SEPSECS: variants seen among roughly 807,000 people sequenced by gnomAD.
The protein encoded by SEPSECS is O-phosphoseryl-tRNA(Sec) selenium transferase.
Under a neutral mutation model 52.1 loss-of-function variants are expected in SEPSECS, and 42 were observed. The observed-to-expected ratio is 0.81, with a 90% CI of 0.63 to 1.04. The LOEUF is 1.04. Ranked by LOEUF, SEPSECS falls within the 50% of genes least tolerant of loss-of-function variation. SEPSECS has a pLI of 0.00. For synonymous variants in SEPSECS, 216 were observed against 211.4 expected, an observed-to-expected ratio of 1.02 and a Z score of -0.19; for missense variants, 590 against 610.6, an observed-to-expected ratio of 0.97 and a Z score of 0.36.
chr4:25,158,291 T>C (rs1712810590), intron 2 of SEPSECS, among the ~76,000 whole-genome samples: 1 of 152,232 alleles, frequency 6.6e-6, no homozygotes, highest in South Asian at 2.1e-4. Context: ...AAATTTTCAT[T>C]ATAATGTAAA....
intron 8 of SEPSECS, among the ~76,000 whole-genome samples, chr4:25,133,391 A>G (rs545080840): frequency 7.2e-5 from 11 of 152,314 alleles, no homozygotes; most frequent in African/African-American, 2.4e-4. Flanking sequence ...ACCCAGTGAT[A>G]ATAAAGAACA....
intron 8 of SEPSECS, among the ~76,000 whole-genome samples, chr4:25,129,482 G>A (rs2109490316): frequency 6.6e-6 from 1 of 151,578 alleles, no homozygotes; most frequent in East Asian, 2.0e-4. Flanking sequence ...AATTAGCCAG[G>A]CATGGTGGTG....
At chr4:25,126,320 A>G (rs1249227512) in intron 9 of SEPSECS, among the ~76,000 whole-genome samples, 2 of 152,118 alleles carry the variant, frequency 1.3e-5, no homozygotes, top group Non-Finnish European at 2.9e-5. Context: ...AGGGAAAAGG[A>G]GGTCAGAGGC....
In SEPSECS at chr4:25,152,049, C is replaced by G; in HGVS notation, c.715G>C (p.Ala239Pro). ...PRVPDRLEEL[A>P]VICANYDIPH... ...ATGTCATAATTAGCACAAATCACAGCCAGTTCTTCTAATCTATAAACATAA... is the reference window on the plus strand; with the variant it reads ...ATGTCATAATTAGCACAAATCACAGGCAGTTCTTCTAATCTATAAACATAA... The change falls in exon 6 of 11, where the codon GCT (alanine) becomes CCT (proline). Residue 239 changes from alanine (A) to proline (P), a missense_variant. Ala to Pro is a conservative substitution (Grantham distance 27, BLOSUM62 -1). Coordinates refer to ENST00000382103, the MANE Select transcript of SEPSECS (RefSeq NM_016955.4). 1 of 1,556,408 alleles carries G rather than the reference C, an allele frequency of 6.4e-7. No individual in the cohort carries two copies.
At chr4:25,133,305 A>AC (rs1728688100) in intron 8 of SEPSECS, among the ~76,000 whole-genome samples, 2 of 152,354 alleles carry the variant, frequency 1.3e-5, no homozygotes, top group East Asian at 3.9e-4. Flanking sequence ...AAAGAGAGTT[A>AC]CCTCCTGACA....
Position 25,156,206 on chromosome 4 carries a change from G to C in SEPSECS, c.389-11C>G, listed in dbSNP as rs747291000. 5 of 1,613,024 alleles carry C rather than the reference G, an allele frequency of 3.1e-6. No individual in the cohort carries two copies. In the Admixed American group the frequency reaches 5.0e-5, roughly 16 times the overall value. On this transcript the variant is annotated splice_polypyrimidine_tract_variant and intron_variant, in intron 3 of 10. Transcript: ENST00000382103. ...CTACTGTATGGACACCTACAAATAA[G>C]AAGCAAAACAGAAATCTGTTATCCC...
At chr4:25,151,054 T>C (rs768739080) in intron 6 of SEPSECS, among the ~76,000 whole-genome samples, 2 of 152,178 alleles carry the variant, frequency 1.3e-5, no homozygotes, top group Non-Finnish European at 2.9e-5. Context: ...TTGACATGTA[T>C]GTCAAAACTG....
intron 10 of SEPSECS, 86 bp downstream of exon 10, chr4:25,125,608 T>C: frequency 1.2e-6 from 1 of 820,186 alleles, no homozygotes; most frequent in East Asian, 2.6e-5. Flanking sequence ...AGGATATACT[T>C]GGGGGACTAT....
intron 8 of SEPSECS, among the ~76,000 whole-genome samples, chr4:25,140,854 T>C (rs1299292409): frequency 6.6e-6 from 1 of 152,004 alleles, no homozygotes; most frequent in Non-Finnish European, 1.5e-5. Context: ...TAATACACAG[T>C]TGGTCCTCCA....
chr4:25,143,659 T>C (rs886678854), intron 8 of SEPSECS, among the ~76,000 whole-genome samples: 1 of 152,142 alleles, frequency 6.6e-6, no homozygotes, highest in African/African-American at 2.4e-5. Flanking sequence ...TACTATCCCA[T>C]GGAATGAATT....
rs1205037339 is a variant in SEPSECS, at chr4:25,156,961, T to C, written c.283A>G (p.Ile95Val). ...GCAGAAATATCACCGGATCGTCCAA[T>C]GCCATGAATGAACCTAAGCAAAAAA... ...ARRHYRFIHG[I>V]GRSGDISAVQ... Residue 95 changes from isoleucine (I) to valine (V), a missense_variant, in exon 3 of 11, where the codon ATT becomes GTT. Transcript: ENST00000382103. 2.5e-6 allele frequency: 4 copies of C among 1,607,894 alleles called. No individual in the cohort carries two copies. The South Asian group carries it at 4.4e-5, about 18-fold the overall frequency.
In SEPSECS at chr4:25,154,988, A is replaced by G; in HGVS notation, c.701+10T>C. On this transcript the variant is annotated intron_variant, in intron 5 of 10. Coordinates refer to ENST00000382103, the MANE Select transcript of SEPSECS (RefSeq NM_016955.4). ...AAACAGCTAAAGGACAATATTCACA[A>G]ATCATTTACCTATCAGGCACCCTTG... 1 of 1,613,600 alleles carries G rather than the reference A, an allele frequency of 6.2e-7. No individual in the cohort carries two copies. Among genetic ancestry groups the G allele is most frequent in the South Asian group, 1.1e-5 (1 of 91,070 alleles).
intron 1 of SEPSECS, chr4:25,159,802 G>T: frequency 9.1e-7 from 1 of 1,095,930 alleles, no homozygotes; most frequent in Non-Finnish European, 1.1e-6. Context: ...AACTTTTAAT[G>T]AAATTAAAAT....
At chr4:25,146,260 G>A (rs559695493) in intron 6 of SEPSECS, among the ~76,000 whole-genome samples, 5 of 152,188 alleles carry the variant, frequency 3.3e-5, no homozygotes, top group Non-Finnish European at 5.9e-5. Flanking sequence ...AACAGAAGGA[G>A]CAGATAGCTG....
chr4:25,135,309 G>T (rs1309006097), intron 8 of SEPSECS, among the ~76,000 whole-genome samples: 1 of 148,846 alleles, frequency 6.7e-6, no homozygotes, highest in East Asian at 2.0e-4. Flanking sequence ...ATAAAAAATA[G>T]GTAGATTGTT....
At chr4:25,142,137 C>T (rs1711593310) in intron 8 of SEPSECS, among the ~76,000 whole-genome samples, 2 of 152,142 alleles carry the variant, frequency 1.3e-5, no homozygotes, top group South Asian at 2.1e-4. Flanking sequence ...AATAGCCAGG[C>T]ATGGTGATGT....
At chr4:25,146,028 C>G (rs1711942342) in intron 6 of SEPSECS, among the ~76,000 whole-genome samples, 1 of 152,122 alleles carries the variant, frequency 6.6e-6, no homozygotes, top group Non-Finnish European at 1.5e-5. Context: ...TGAATACTTA[C>G]CTACTAGAAA....
intron 5 of SEPSECS, among the ~76,000 whole-genome samples, chr4:25,153,912 G>A (rs1484122779): frequency 6.6e-6 from 1 of 151,992 alleles, no homozygotes; most frequent in Non-Finnish European, 1.5e-5. Context: ...TTCAAAAGAC[G>A]TTAGTCAAAA....
chr4:25,125,871 T>C (rs1728343039), intron 9 of SEPSECS, 87 bp from the exon 10 acceptor site: 2 of 818,318 alleles, frequency 2.4e-6, no homozygotes, highest in Non-Finnish European at 2.1e-6. Flanking sequence ...ATGAAGGCAT[T>C]ACTTTTTATT....
Sources: gnomAD v4.1 joint callset for allele counts (sites outside exome capture counted in the v4.1 genomes callset) on GRCh38, gnomAD v4.1.1 for gene constraint, MANE v1.5 for transcripts, NCBI Gene and HGNC (gene_info 2026-07-23, HGNC 2026-07-21) for gene names.